The following ABCB11 variants were observed in gnomAD, a reference collection of about 807,000 sequenced individuals.
The protein encoded by ABCB11 is ATP binding cassette subfamily B member 11.
In ABCB11, 95 loss-of-function variants were observed where a neutral mutation model predicts 148.0. That is an observed-to-expected ratio of 0.64 (90% CI 0.54 to 0.76). The LOEUF (loss-of-function observed/expected upper bound fraction) is 0.76. Among genes scored for constraint, ABCB11 ranks in the 30% least tolerant of loss-of-function variants. ABCB11 has a pLI of 0.00. For synonymous variants in ABCB11, 591 were observed against 555.4 expected (o/e 1.06, Z -0.90); for missense variants, 1,523 against 1,617.8 (o/e 0.94, Z 1.01).
At chr2:168,968,007 G>A (rs78442033) in intron 17 of ABCB11, among the ~76,000 whole-genome samples, 1,976 of 152,026 alleles carry the variant, frequency 0.013, 37 homozygotes, top group African/African-American at 0.045. Context: ...GGGAGCAGAA[G>A]TGTTTGTAAT....
At chr2:168,968,790 C>CAAAA (rs4148788) in intron 16 of ABCB11, among the ~76,000 whole-genome samples, 289 of 148,348 alleles carry the variant, frequency 1.9e-3, no homozygotes, top group African/African-American at 6.7e-3. Flanking sequence ...TCAGAAGTAG[C>CAAAA]AAAAAAAAAA....
downstream of ABCB11, among the ~76,000 whole-genome samples, chr2:168,917,798 T>C (rs1304634402): frequency 6.6e-6 from 1 of 152,216 alleles, no homozygotes; most frequent in African/African-American, 2.4e-5. Flanking sequence ...TTCATGAACC[T>C]GATATTCTAA....
intron 15 of ABCB11, 36 bp from the exon 16 acceptor site, chr2:168,969,587 G>T: frequency 6.4e-7 from 1 of 1,558,350 alleles, no homozygotes; most frequent in Non-Finnish European, 8.8e-7. Context: ...AAACAAAACT[G>T]TGAGACAGAG....
At chr2:169,016,675 G>A in intron 3 of ABCB11, 103 bp downstream of exon 3, 1 of 853,568 alleles carries the variant, frequency 1.2e-6, no homozygotes, top group Non-Finnish European at 1.9e-6. Flanking sequence ...TATTTTATAT[G>A]AAGTGCAATG....
intron 1 of ABCB11, among the ~76,000 whole-genome samples, chr2:169,029,926 G>T (rs1695814892): frequency 3.0e-5 from 4 of 135,510 alleles, no homozygotes; most frequent in Admixed American, 1.5e-4. Flanking sequence ...ATTTTTAGTA[G>T]AGACGGGGTT....
In ABCB11 at chr2:168,936,223, A is replaced by G. The variant is rs368580108; in HGVS notation, c.2814+7T>C. The G allele has an allele frequency of 1.1e-5, 17 of 1,611,752 alleles. No homozygotes were observed. The highest frequency in any genetic ancestry group is 8.0e-5 in the African/African-American group (6 of 74,986). On this transcript the variant is annotated splice_region_variant and intron_variant, in intron 22 of 27. Transcript: ENST00000650372. Reference sequence around the variant, plus strand: ...GAGGAATGGGAAAATTAGATCTGCAAGATTACCTGTCCCACCATCTCCAGG... The same window carrying G: ...GAGGAATGGGAAAATTAGATCTGCAGGATTACCTGTCCCACCATCTCCAGG...
intron 5 of ABCB11, among the ~76,000 whole-genome samples, chr2:168,998,148 C>T (rs1017940941): frequency 6.6e-6 from 1 of 151,986 alleles, no homozygotes; most frequent in South Asian, 2.1e-4. Context: ...AGAGAGTATA[C>T]TATATTATTA....
rs767636463 is a variant in ABCB11 at position 168,930,776 on chromosome 2, T to C, written c.3300A>G (p.Ser1100=). ...RPDSQVLNGL[S]VSISPGQTLA... ...GTGTCTGCCCTGGACTAATCGACACTGAGAGACCATTCAGAACTTGCGAGT... is the reference window on the plus strand; with the variant it reads ...GTGTCTGCCCTGGACTAATCGACACCGAGAGACCATTCAGAACTTGCGAGT... The change falls in exon 25 of 28, where the codon TCA becomes TCG. Residue 1100 remains serine, a synonymous_variant. Coordinates refer to ENST00000650372, the MANE Select transcript of ABCB11 (RefSeq NM_003742.4). 31 of 1,613,678 alleles carry C rather than the reference T, an allele frequency of 1.9e-5. No individual in the cohort carries two copies. The highest frequency in any genetic ancestry group is 8.5e-6 in the Non-Finnish European group (10 of 1,179,810).
intron 19 of ABCB11, among the ~76,000 whole-genome samples, chr2:168,955,415 A>T (rs1692745218): frequency 6.6e-6 from 1 of 151,576 alleles, no homozygotes; most frequent in African/African-American, 2.4e-5. Flanking sequence ...AAGCAAGCAG[A>T]TCTTCATATG....
intron 13 of ABCB11, among the ~76,000 whole-genome samples, chr2:168,972,359 T>C (rs1386255070): frequency 6.6e-6 from 1 of 152,022 alleles, no homozygotes; most frequent in Non-Finnish European, 1.5e-5. Flanking sequence ...ATTCACTACG[T>C]TTTAAATATT....
intron 19 of ABCB11, among the ~76,000 whole-genome samples, chr2:168,951,061 A>G (rs1437438358): frequency 6.6e-6 from 1 of 151,390 alleles, no homozygotes; most frequent in Non-Finnish European, 1.5e-5. Flanking sequence ...ATTTTTGTTG[A>G]CTTTTTCAAA....
intron 21 of ABCB11, 95 bp downstream of exon 21, chr2:168,944,510 T>C (rs1376973809): frequency 2.9e-6 from 4 of 1,361,030 alleles, no homozygotes; most frequent in Non-Finnish European, 4.0e-6. Flanking sequence ...CACTGGTCCC[T>C]ATTCCATAGA....
intron 5 of ABCB11, among the ~76,000 whole-genome samples, chr2:168,998,788 A>T (rs1303593228): frequency 1.3e-5 from 2 of 152,114 alleles, no homozygotes; most frequent in African/African-American, 4.8e-5. Context: ...GGTGCAGATA[A>T]AGATATATGC....
intron 12 of ABCB11, among the ~76,000 whole-genome samples, chr2:168,975,598 T>A (rs559154934): frequency 0.053 from 4,866 of 91,354 alleles, 1,417 homozygotes; most frequent in African/African-American, 0.16. Context: ...TACATAAATA[T>A]TTTTATATTT....
chr2:169,003,596 A>G (rs1349897725), intron 5 of ABCB11, among the ~76,000 whole-genome samples: 1 of 152,020 alleles, frequency 6.6e-6, no homozygotes, highest in Non-Finnish European at 1.5e-5. Context: ...TCCTCTGGGT[A>G]CATGCCTATT....
rs181523843 is a variant in ABCB11 at position 168,947,568 on chromosome 2, G to C, written c.2344-2607C>G. Among the ~76,000 whole-genome samples the C allele has an allele frequency of 2.6e-5, 4 of 151,782 alleles. No individual in the cohort carries two copies. The East Asian group carries it at 7.8e-4, about 30-fold the overall frequency. ...TCAATACAACAAATGTGCATATTGTGCCCTTTAGGTATGTCAGAAGGAAAA... is the reference window on the plus strand; with the variant it reads ...TCAATACAACAAATGTGCATATTGTCCCCTTTAGGTATGTCAGAAGGAAAA... On this transcript the variant is annotated intron_variant, in intron 19 of 27. Coordinates refer to ENST00000650372, the MANE Select transcript of ABCB11 (RefSeq NM_003742.4).
In ABCB11 at chr2:168,938,988, A is replaced by C. The variant is rs1330896970; in HGVS notation, c.2611-2555T>G. On this transcript the variant is annotated intron_variant, in intron 21 of 27. Transcript: ENST00000650372. ...ACTTTTTTTCACTTATCAATGGTAC[A>C]TAACTATCCTTCCAGATCAATATAT... Among the ~76,000 whole-genome samples, 3 of 152,070 alleles carry C rather than the reference A, an allele frequency of 2.0e-5. No homozygotes were observed. In the East Asian group the frequency reaches 5.8e-4, roughly 29 times the overall value.
Position 169,018,152 on chromosome 2 carries a change from C to A in ABCB11, c.-27G>T. The A allele has an allele frequency of 1.9e-6, 3 of 1,608,382 alleles. No individual in the cohort carries two copies. Among genetic ancestry groups the A allele is most frequent in the Non-Finnish European group, 2.6e-6 (3 of 1,176,222 alleles). ...GTAATTGCAACCCACAGCCAACGACCCTATAAAATAAAATAAAAGAATCAT... is the reference window on the plus strand; with the variant it reads ...GTAATTGCAACCCACAGCCAACGACACTATAAAATAAAATAAAAGAATCAT... On this transcript the variant is annotated splice_region_variant and 5_prime_UTR_variant, in exon 2 of 28. Coordinates refer to ENST00000650372, the MANE Select transcript of ABCB11 (RefSeq NM_003742.4).
At chr2:169,000,682 T>C (rs906022390) in intron 5 of ABCB11, among the ~76,000 whole-genome samples, 5 of 152,156 alleles carry the variant, frequency 3.3e-5, no homozygotes, top group African/African-American at 9.6e-5. Flanking sequence ...ATTAGCTATA[T>C]AATATGTCTT....
Sources: allele counts gnomAD v4.1 joint callset (sites outside exome capture counted in the v4.1 genomes callset), GRCh38; gene constraint gnomAD v4.1.1; transcripts MANE v1.5; gene names NCBI Gene and HGNC (gene_info 2026-07-23, HGNC 2026-07-21).